The following SIN3B variants were observed in gnomAD, a reference collection of about 807,000 sequenced individuals.
SIN3B encodes SIN3 transcription regulator family member B, also known as paired amphipathic helix protein Sin3b.
In SIN3B, 19 loss-of-function variants were observed where a neutral mutation model predicts 120.2. The observed-to-expected ratio is 0.16, with a 90% CI of 0.11 to 0.23. The LOEUF is 0.23. SIN3B is among the 10% of genes least tolerant of loss of function. The probability of loss-of-function intolerance (pLI) is 1.00; values close to 1 mark genes in which losing one functional copy is unlikely to be tolerated. For missense variants in SIN3B, 1,073 were observed against 1,573.0 expected, an observed-to-expected ratio of 0.68 and a Z score of 5.38; for synonymous variants, 654 against 653.2, an observed-to-expected ratio of 1.00 and a Z score of -0.02.
intron 3 of SIN3B, among the ~76,000 whole-genome samples, chr19:16,835,083 C>T (rs1021613347): frequency 7.9e-5 from 12 of 151,782 alleles, no homozygotes; most frequent in African/African-American, 2.2e-4. Context: ...TGCACCAGCG[C>T]GCCCGACTAA....
At chr19:16,833,603 G>T (rs2144572843) in intron 3 of SIN3B, among the ~76,000 whole-genome samples, 1 of 150,836 alleles carries the variant, frequency 6.6e-6, no homozygotes, top group East Asian at 2.0e-4. Context: ...CTGCACTGTA[G>T]CCTGGGTGAC....
chr19:16,875,549 T>TG (rs2051586392), intron 14 of SIN3B, among the ~76,000 whole-genome samples: 1 of 141,130 alleles, frequency 7.1e-6, no homozygotes, highest in Non-Finnish European at 1.5e-5. Flanking sequence ...TGGTCTGGTC[T>TG]GTTTGGTCTG....
At chr19:16,873,753 C>T (rs1403648466) in intron 14 of SIN3B, among the ~76,000 whole-genome samples, 1 of 152,228 alleles carries the variant, frequency 6.6e-6, no homozygotes, top group Non-Finnish European at 1.5e-5. Flanking sequence ...CCCTGCTGTC[C>T]CAGCTGTGGC....
Position 16,878,751 on chromosome 19 carries a change from G to C in SIN3B, c.*24G>C. 6.4e-7 allele frequency: 1 copy of C among 1,568,092 alleles called. No individual in the cohort carries two copies. Among genetic ancestry groups the C allele is most frequent in the Non-Finnish European group, 8.6e-7 (1 of 1,161,210 alleles). The stretch of plus-strand genomic sequence containing the variant: ...GACCCGCCCTCATGGGCACCGGGCA[G>C]GCGCCTCACAGAGCACAGACGTGCC... On this transcript the variant is annotated 3_prime_UTR_variant, in exon 19 of 19. Transcript: ENST00000248054.
rs1049379141 is a variant in SIN3B at position 16,877,541 on chromosome 19, C to G, written c.2860-4C>G. ...TCACGGGCTGTGTCTCTCCCTGTCC[C>G]CAGCACCTGGCTCGGTACGTGGAGC... is the stretch of plus-strand genomic sequence containing the variant. On this transcript the variant is annotated splice_polypyrimidine_tract_variant and splice_region_variant and intron_variant, in intron 16 of 18. Coordinates refer to ENST00000248054, the MANE Select transcript of SIN3B (RefSeq NM_001297595.2). The G allele has an allele frequency of 1.3e-5, 21 of 1,602,286 alleles. No homozygotes were observed. In the African/African-American group the frequency reaches 2.8e-4, roughly 21 times the overall value.
chr19:16,831,448 A>C, intron 2 of SIN3B, 46 bp from the exon 3 acceptor site: 1 of 1,586,224 alleles, frequency 6.3e-7, no homozygotes. Context: ...TATATTTTTC[A>C]TTTATTTCCC....
rs180721130 is a variant in SIN3B, at chr19:16,862,271, C to T, written c.1059-81C>T. ...GACTCTGTTTAACTTGTAATGTCCA[C>T]ATGAAGCCATTCTAAAATCTCCAGA... is the stretch of plus-strand genomic sequence containing the variant. On this transcript the variant is annotated intron_variant, in intron 8 of 18. Transcript: ENST00000248054. The surrounding 1 kb of genome is among the most constrained non-coding windows in gnomAD (Gnocchi z 4.7). 1 of 1,102,162 alleles carries T rather than the reference C, an allele frequency of 9.1e-7. No individual in the cohort carries two copies. Among genetic ancestry groups the T allele is most frequent in the Non-Finnish European group, 1.4e-6 (1 of 739,870 alleles). The allele number at this position is 1,102,162 out of a possible 1,614,324, so 68.3% of individuals were successfully genotyped here.
At position 16,847,092 on chromosome 19, in the gene SIN3B, G is replaced by A. The variant is rs200936139; in HGVS notation, c.705G>A (p.Leu235=). The part of the protein sequence containing the change: ...EDLLSEFGQF[L]PEAKRSLFTG... Reference sequence around the variant, plus strand: ...TGCTCTCAGAGTTTGGACAGTTCCTGCCCGAAGCCAAGCGGTCTCTGGTGA... The same window carrying A: ...TGCTCTCAGAGTTTGGACAGTTCCTACCCGAAGCCAAGCGGTCTCTGGTGA... The change falls in exon 5 of 19, where the codon CTG becomes CTA. Residue 235 remains leucine (L), a synonymous_variant. Transcript: ENST00000248054. The A allele has an allele frequency of 1.2e-6, 2 of 1,613,060 alleles. No individual in the cohort carries two copies. Among genetic ancestry groups the A allele is most frequent in the Admixed American group, 1.7e-5 (1 of 60,000 alleles).
intron 6 of SIN3B, 33 bp downstream of exon 6, chr19:16,851,567 C>T (rs746602522): frequency 7.1e-5 from 109 of 1,545,408 alleles, no homozygotes; most frequent in South Asian, 5.7e-4. Flanking sequence ...CATGCCTGCA[C>T]GCGGGGCCCC....
chr19:16,857,429 C>CT (rs1018788503), intron 8 of SIN3B, among the ~76,000 whole-genome samples: 12 of 144,762 alleles, frequency 8.3e-5, no homozygotes, highest in South Asian at 2.2e-4. Flanking sequence ...GCAAGCTGGA[C>CT]TTTTTTTTTT....
At chr19:16,866,702 C>T in intron 12 of SIN3B, 146 bp downstream of exon 12, 1 of 730,920 alleles carries the variant, frequency 1.4e-6, no homozygotes, top group Non-Finnish European at 2.2e-6. Context: ...GTTCATGTCT[C>T]TGTGATGCCC....
At chr19:16,861,632 G>A (rs565985424) in intron 8 of SIN3B, among the ~76,000 whole-genome samples, 38 of 152,120 alleles carry the variant, frequency 2.5e-4, no homozygotes, top group Non-Finnish European at 4.7e-4. Context: ...GCATGGTGGT[G>A]CATGCCTGTA....
chr19:16,879,854 G>A lies in SIN3B; in HGVS notation c.*1127G>A, dbSNP rs542926224. 1 of 152,368 alleles carries A rather than the reference G, an allele frequency of 6.6e-6. No homozygotes were observed. The highest frequency in any genetic ancestry group is 2.4e-5 in the African/African-American group (1 of 41,554). 9.4% of individuals were successfully genotyped at this position (152,368 alleles called of 1,614,324 possible). A position where few individuals can be genotyped will look rare whatever the true frequency, so the allele number is the denominator to read the frequency against. On this transcript the variant is annotated 3_prime_UTR_variant, in exon 19 of 19. Coordinates refer to ENST00000248054, the MANE Select transcript of SIN3B (RefSeq NM_001297595.2). Reference sequence around the variant, plus strand: ...CTCTCCCCGACCATGAGAGCCCCTGGCCCTGGCCCCTGCACACCAGTAGGC... The same window carrying A: ...CTCTCCCCGACCATGAGAGCCCCTGACCCTGGCCCCTGCACACCAGTAGGC...
Position 16,857,517 on chromosome 19 carries a change from A to ATGTGTGTGTGTGTGTG in SIN3B, c.1058+3278_1058+3293dup, listed in dbSNP as rs72233219. Among the ~76,000 whole-genome samples, 904 of 93,442 alleles carry ATGTGTGTGTGTGTGTG rather than the reference A, an allele frequency of 9.7e-3. 6 individuals are homozygous for ATGTGTGTGTGTGTGTG. Among genetic ancestry groups the ATGTGTGTGTGTGTGTG allele is most frequent in the East Asian group, 0.019 (42 of 2,248 alleles). 61.3% of individuals were successfully genotyped at this position (93,442 alleles called of 152,430 possible). ...CCTTTTGCATTAACTTAAAAAAAAT[A>ATGTGTGTGTGTGTGTG]TGTGTGTGTGTGTGTGTGTGTGTGT... is the stretch of plus-strand genomic sequence containing the variant. On this transcript the variant is annotated intron_variant, in intron 8 of 18. Transcript: ENST00000248054.
intron 6 of SIN3B, among the ~76,000 whole-genome samples, chr19:16,852,751 CAG>C (rs1208991370): frequency 2.0e-5 from 3 of 152,146 alleles, no homozygotes; most frequent in Non-Finnish European, 4.4e-5. Flanking sequence ...CAGGACAAAA[CAG>C]GGAAAGGATT....
In SIN3B at chr19:16,863,174, A is replaced by G. The variant is rs1474484870; in HGVS notation, c.1267-506A>G. The G allele has an allele frequency of 9.0e-6, 5 of 553,088 alleles. No individual in the cohort carries two copies. The Admixed American group carries it at 1.1e-4, about 12-fold the overall frequency. The allele number at this position is 553,088 out of a possible 1,614,324, so 34.3% of individuals were successfully genotyped here. ...TGCTGTCTGACCCTTTGCAGAGAGA[A>G]TTTACCAATGTCTGAAATGAAATCG... On this transcript the variant is annotated intron_variant, in intron 9 of 18. Coordinates refer to ENST00000248054, the MANE Select transcript of SIN3B (RefSeq NM_001297595.2).
At chr19:16,874,067 C>G (rs975352106) in intron 14 of SIN3B, among the ~76,000 whole-genome samples, 7 of 152,198 alleles carry the variant, frequency 4.6e-5, no homozygotes, top group Non-Finnish European at 1.0e-4. Flanking sequence ...TTCACACAGC[C>G]CTGTCTGCCC....
At chr19:16,854,308 T>C (rs1319525107) in intron 8 of SIN3B, 47 bp downstream of exon 8, 1 of 1,189,000 alleles carries the variant, frequency 8.4e-7, no homozygotes, top group African/African-American at 1.5e-5. Flanking sequence ...TCTGTTCCTG[T>C]CAACTCCATC....
Position 16,831,628 on chromosome 19 carries a change from A to G in SIN3B, c.362A>G (p.Gln121Arg), listed in dbSNP as rs368592710. 8.1e-6 allele frequency: 13 copies of G among 1,613,946 alleles called. No individual in the cohort carries two copies. Among genetic ancestry groups the G allele is most frequent in the Non-Finnish European group, 1.0e-5 (12 of 1,179,944 alleles). Residue 121 changes from glutamine (Q) to arginine (R), a missense_variant, in exon 3 of 19, where the codon CAG becomes CGG. Gln to Arg is a conservative substitution (Grantham distance 43, BLOSUM62 1). Coordinates refer to ENST00000248054, the MANE Select transcript of SIN3B (RefSeq NM_001297595.2). ...CCCAAGAATGGCAAGTTAAACATAC[A>G]GTCGCCTCTGACAAGCCAGGTATGC... Reference protein sequence around the residue: ...DIPKNGKLNIQSPLTSQENSH... With the variant: ...DIPKNGKLNIRSPLTSQENSH...
Sources: allele counts gnomAD v4.1 joint callset (sites outside exome capture counted in the v4.1 genomes callset), GRCh38; gene constraint gnomAD v4.1.1; non-coding constraint Gnocchi (gnomAD v3.1); transcripts MANE v1.5; gene names NCBI Gene and HGNC (gene_info 2026-07-23, HGNC 2026-07-21).